The following CCDC15 variants were observed in gnomAD, a reference collection of about 807,000 sequenced individuals.
CCDC15 encodes coiled-coil domain-containing protein 15.
A neutral mutation model predicts 114.5 loss-of-function variants in CCDC15; 105 were observed. The ratio of observed to expected loss-of-function variants is 0.92; its 90% CI spans 0.78 to 1.08. The LOEUF is 1.08. Among genes scored for constraint, CCDC15 ranks in the 50% least tolerant of loss-of-function variants. The pLI is 0.00. For synonymous variants in CCDC15, 334 were observed against 377.8 expected (o/e 0.88, Z 1.34); for missense variants, 1,105 against 1,093.6 (o/e 1.01, Z -0.15).
At chr11:124,972,139 A>G (rs1002209273) in intron 4 of CCDC15, among the ~76,000 whole-genome samples, 2 of 152,066 alleles carry the variant, frequency 1.3e-5, no homozygotes, top group Admixed American at 6.6e-5. Flanking sequence ...TAGGTTTTCT[A>G]TTTATCTAAT....
In CCDC15 at chr11:124,991,482, T is replaced by C; in HGVS notation, c.1930T>C (p.Tyr644His). Residue 644 changes from tyrosine (Y) to histidine (H), a missense_variant, in exon 9 of 16, where the codon TAC becomes CAC. Tyr to His is a moderately conservative substitution (Grantham distance 83). Transcript: ENST00000344762. ...KYQKVHFKEP[Y>H]SDMTDEKGRE... ...TTAGAAAGTACACTTTAAGGAGCCA[T>C]ACTCTGATATGACAGATGAGAAAGG... 1.3e-6 allele frequency: 2 copies of C among 1,590,520 alleles called. No individual in the cohort carries two copies. Among genetic ancestry groups the C allele is most frequent in the Non-Finnish European group, 1.7e-6 (2 of 1,161,424 alleles).
At chr11:124,993,445 T>C (rs1948305925) in intron 11 of CCDC15, among the ~76,000 whole-genome samples, 1 of 152,214 alleles carries the variant, frequency 6.6e-6, no homozygotes. Context: ...TATCACACCA[T>C]TCTGACCTAT....
At chr11:124,993,298 T>A in intron 11 of CCDC15, 55 bp downstream of exon 11, 2 of 1,165,700 alleles carry the variant, frequency 1.7e-6, no homozygotes, top group South Asian at 2.6e-5. Context: ...TAGAGCAGAA[T>A]ATAGTGAGTA....
intron 13 of CCDC15, among the ~76,000 whole-genome samples, chr11:125,036,885 C>T (rs541041453): frequency 1.7e-4 from 26 of 152,114 alleles, no homozygotes; most frequent in African/African-American, 5.8e-4. Flanking sequence ...TCTGTGTTCT[C>T]TTGAATTTCT....
intron 11 of CCDC15, among the ~76,000 whole-genome samples, chr11:124,994,269 G>A (rs1288591495): frequency 1.3e-5 from 2 of 152,144 alleles, no homozygotes; most frequent in African/African-American, 2.4e-5. Context: ...TCCAGCAGAC[G>A]ACAGGTAGAG....
At chr11:124,957,449 G>T (rs1591565095) in intron 2 of CCDC15, among the ~76,000 whole-genome samples, 1 of 152,172 alleles carries the variant, frequency 6.6e-6, no homozygotes, top group Non-Finnish European at 1.5e-5. Context: ...CTCACAGCAT[G>T]GTAATCTCAG....
At chr11:125,034,201 G>A (rs1565384587) in intron 13 of CCDC15, among the ~76,000 whole-genome samples, 1 of 152,144 alleles carries the variant, frequency 6.6e-6, no homozygotes, top group African/African-American at 2.4e-5. Context: ...GCCACTACTG[G>A]GGATGAGAAA....
At chr11:125,033,913 ATATAAAT>A (rs1948757926) in intron 13 of CCDC15, among the ~76,000 whole-genome samples, 1 of 152,158 alleles carries the variant, frequency 6.6e-6, no homozygotes, top group Non-Finnish European at 1.5e-5. Context: ...ATTTCTGCTT[ATATAAAT>A]TAGAGAACTC....
In CCDC15 at chr11:124,954,678, A is replaced by C. The variant is rs1205038683; in HGVS notation, c.-9-46A>C. 1.9e-6 allele frequency: 3 copies of C among 1,567,626 alleles called. No homozygotes were observed. In the African/African-American group the frequency reaches 4.1e-5, roughly 21 times the overall value. On this transcript the variant is annotated intron_variant, in intron 1 of 15. Transcript: ENST00000344762. ...TCATGTGTTAGGAGGTTGAACTTTT[A>C]ATGCAGTCATTTGAAGATTTTAAGC... is the stretch of plus-strand genomic sequence containing the variant.
chr11:124,974,271 A>T (rs1947935517), intron 4 of CCDC15, among the ~76,000 whole-genome samples: 1 of 152,168 alleles, frequency 6.6e-6, no homozygotes, highest in Non-Finnish European at 1.5e-5. Flanking sequence ...GTGAGCCACC[A>T]CGGCTGGCCT....
intron 2 of CCDC15, among the ~76,000 whole-genome samples, chr11:124,957,889 T>C (rs979211068): frequency 2.0e-5 from 3 of 152,230 alleles, no homozygotes; most frequent in Non-Finnish European, 4.4e-5. Context: ...GATATGATGA[T>C]GATTTTATTT....
chr11:124,968,991 G>A (rs1204548143), intron 4 of CCDC15, among the ~76,000 whole-genome samples: 1 of 151,934 alleles, frequency 6.6e-6, no homozygotes, highest in Non-Finnish European at 1.5e-5. Context: ...TCTTAATTTT[G>A]CCCTCTCAGG....
At chr11:125,009,670 G>C (rs1245690410) in intron 13 of CCDC15, among the ~76,000 whole-genome samples, 2 of 152,044 alleles carry the variant, frequency 1.3e-5, no homozygotes, top group Admixed American at 1.3e-4. Flanking sequence ...CCTCCCTCTA[G>C]TAGTCTTCAG....
At chr11:125,036,062 T>C (rs1423508874) in intron 13 of CCDC15, among the ~76,000 whole-genome samples, 1 of 144,888 alleles carries the variant, frequency 6.9e-6, no homozygotes, top group Non-Finnish European at 1.5e-5. Context: ...TACTTACTAT[T>C]ACTAGTGAGT....
chr11:124,997,126 A>G (rs915008666), intron 11 of CCDC15, among the ~76,000 whole-genome samples: 1 of 152,112 alleles, frequency 6.6e-6, no homozygotes, highest in African/African-American at 2.4e-5. Flanking sequence ...TCAATCTCCT[A>G]TTGATGGACA....
chr11:124,969,471 A>C (rs1947843602), intron 4 of CCDC15, among the ~76,000 whole-genome samples: 1 of 152,182 alleles, frequency 6.6e-6, no homozygotes, highest in African/African-American at 2.4e-5. Context: ...TTACCATATA[A>C]TAACTTTTTA....
At chr11:124,964,667 C>A (rs1947737350) in intron 4 of CCDC15, among the ~76,000 whole-genome samples, 2 of 152,174 alleles carry the variant, frequency 1.3e-5, no homozygotes, top group Admixed American at 6.5e-5. Flanking sequence ...GTCAGAACTT[C>A]TAACACTGTG....
intron 13 of CCDC15, among the ~76,000 whole-genome samples, chr11:125,026,469 C>T (rs1467489683): frequency 6.6e-6 from 1 of 152,202 alleles, no homozygotes; most frequent in East Asian, 1.9e-4. Flanking sequence ...GTCTTTCCTA[C>T]CCTCTTCAGT....
At chr11:125,001,402 A>G (rs1041969493) in intron 11 of CCDC15, among the ~76,000 whole-genome samples, 9 of 152,268 alleles carry the variant, frequency 5.9e-5, no homozygotes, top group African/African-American at 1.7e-4. Flanking sequence ...ATGAATGACT[A>G]TAATTCACAT....
Sources: allele counts gnomAD v4.1 joint callset (sites outside exome capture counted in the v4.1 genomes callset), GRCh38; gene constraint gnomAD v4.1.1; transcripts MANE v1.5; gene names NCBI Gene and HGNC (gene_info 2026-07-23, HGNC 2026-07-21).